The following SATB1 variants were observed in gnomAD, a reference collection of about 807,000 sequenced individuals.
SATB1 encodes SATB homeobox 1.
In SATB1, 11 loss-of-function variants were observed where a neutral mutation model predicts 86.9. The observed-to-expected ratio is 0.13, with a 90% CI of 0.08 to 0.21. SATB1 has a LOEUF of 0.21. Among genes scored for constraint, SATB1 ranks in the 10% least tolerant of loss-of-function variants. The probability of loss-of-function intolerance (pLI) is 1.00; values close to 1 mark genes in which losing one functional copy is unlikely to be tolerated. For synonymous variants in SATB1, 357 were observed against 357.2 expected (o/e 1.00, Z 0.01); for missense variants, 551 against 937.6 (o/e 0.59, Z 5.39).
intron 7 of SATB1, among the ~76,000 whole-genome samples, chr3:18,393,502 T>G (rs1696799835): frequency 6.6e-6 from 1 of 152,178 alleles, no homozygotes; most frequent in African/African-American, 2.4e-5. Flanking sequence ...TCTTATGACC[T>G]CTCATATATA....
At chr3:18,425,733 G>C (rs570966605), upstream of SATB1, among the ~76,000 whole-genome samples, 122 of 151,840 alleles carry the variant, frequency 8.0e-4, no homozygotes, top group African/African-American at 2.6e-3. Context: ...GGGAGGAGGA[G>C]AGGGGGCTTC....
chr3:18,384,547 TAAGTA>T (rs1696229067), intron 8 of SATB1, among the ~76,000 whole-genome samples: 4 of 152,060 alleles, frequency 2.6e-5, no homozygotes, highest in Admixed American at 2.6e-4. Context: ...GATTAAGTGA[TAAGTA>T]AAGTAATTCT....
At chr3:18,359,432 A>C (rs956191648) in intron 9 of SATB1, among the ~76,000 whole-genome samples, 1 of 152,050 alleles carries the variant, frequency 6.6e-6, no homozygotes, top group Non-Finnish European at 1.5e-5. Context: ...CAACCCACTA[A>C]ACCAGTTAGC....
intron 5 of SATB1, among the ~76,000 whole-genome samples, chr3:18,397,888 G>A (rs1428259528): frequency 2.0e-5 from 3 of 152,108 alleles, no homozygotes; most frequent in Admixed American, 6.6e-5. Context: ...AAGTGGACGC[G>A]CATTAACACT....
At chr3:18,417,556 C>T (rs1033078966) in intron 2 of SATB1, 27 of 632,438 alleles carry the variant, frequency 4.3e-5, no homozygotes, top group Middle Eastern at 4.0e-4. Flanking sequence ...TCTTCGACCA[C>T]GAAATTTTCA....
intron 2 of SATB1, chr3:18,417,340 C>A: frequency 1.8e-6 from 1 of 565,022 alleles, no homozygotes; most frequent in Non-Finnish European, 3.1e-6. Context: ...AGTGCATTTT[C>A]CAAAAGCAAT....
chr3:18,384,320 A>G (rs961969222), intron 8 of SATB1, among the ~76,000 whole-genome samples: 17 of 152,350 alleles, frequency 1.1e-4, no homozygotes, highest in African/African-American at 3.8e-4. Context: ...AAGAATTGGT[A>G]TAACTTTAGC....
intron 2 of SATB1, among the ~76,000 whole-genome samples, chr3:18,418,528 G>A (rs1698230784): frequency 6.6e-6 from 1 of 152,170 alleles, no homozygotes; most frequent in Non-Finnish European, 1.5e-5. Context: ...CAATATTTTT[G>A]TCATTCATTC....
At chr3:18,412,840 T>A (rs1261786009) in intron 5 of SATB1, among the ~76,000 whole-genome samples, 5 of 152,002 alleles carry the variant, frequency 3.3e-5, no homozygotes, top group Non-Finnish European at 7.4e-5. Flanking sequence ...CAGTTTATGT[T>A]GAAAAAATTC....
intron 5 of SATB1, among the ~76,000 whole-genome samples, chr3:18,402,577 A>C (rs1485536945): frequency 1.3e-5 from 2 of 152,136 alleles, no homozygotes; most frequent in African/African-American, 4.8e-5. Flanking sequence ...GGGTAATTGG[A>C]GTGCTGTACC....
Position 18,386,497 on chromosome 3 carries a change from C to A in SATB1, c.1321G>T (p.Asp441Tyr). The change falls in exon 8 of 11, where the codon GAC becomes TAC. Residue 441 changes from aspartate to tyrosine, a missense_variant. Asp to Tyr is a radical substitution (Grantham distance 160). Transcript: ENST00000338745. This position sits in a 1 kb window ranked among gnomAD's most constrained non-coding sequence, Gnocchi z 4.5. ...TCCCTTTCGTCCTGGTATATTCGGTCTCTTTCAGCTTCCGGTAACTGCAAG... is the reference window on the plus strand; with the variant it reads ...TCCCTTTCGTCCTGGTATATTCGGTATCTTTCAGCTTCCGGTAACTGCAAG... ...NFLQLPEAER[D>Y]RIYQDERERS... 6.2e-7 allele frequency: 1 copy of A among 1,614,164 alleles called. No individual in the cohort carries two copies. The highest frequency in any genetic ancestry group is 1.1e-5 in the South Asian group (1 of 91,078).
At chr3:18,445,270 C>G (rs1030014721) in intron 1 of SATB1, 8 of 983,170 alleles carry the variant, frequency 8.1e-6, no homozygotes, top group African/African-American at 1.8e-5. Context: ...CACTGAAGCC[C>G]GAGCCGAGCC....
chr3:18,382,214 A>G (rs560881143), intron 8 of SATB1, among the ~76,000 whole-genome samples: 1 of 152,198 alleles, frequency 6.6e-6, no homozygotes, highest in Admixed American at 6.5e-5. Flanking sequence ...CATTGTTATG[A>G]AATAGCATAC....
chr3:18,394,932 A>G lies in SATB1; in HGVS notation c.752-16T>C. The G allele has an allele frequency of 6.5e-7, 1 of 1,531,554 alleles. No homozygotes were observed. Among genetic ancestry groups the G allele is most frequent in the Non-Finnish European group, 8.8e-7 (1 of 1,136,640 alleles). 94.9% of individuals were successfully genotyped at this position (1,531,554 alleles called of 1,614,324 possible). A position where few individuals can be genotyped will look rare whatever the true frequency, so the allele number is the denominator to read the frequency against. ...TCCATTTCAACTAAAGTGGACAAAG[A>G]GTAAAATCACATTCAGCCAACAATG... On this transcript the variant is annotated splice_polypyrimidine_tract_variant and intron_variant, in intron 6 of 10. Transcript: ENST00000338745. This position sits in a 1 kb window ranked among gnomAD's most constrained non-coding sequence, Gnocchi z 5.9.
intron 7 of SATB1, among the ~76,000 whole-genome samples, chr3:18,388,786 T>C (rs945699424): frequency 2.6e-5 from 4 of 152,098 alleles, no homozygotes; most frequent in African/African-American, 9.7e-5. Context: ...CAAAACATAG[T>C]TATAAATATT....
At chr3:18,411,659 C>CTGA (rs1489186717) in intron 5 of SATB1, among the ~76,000 whole-genome samples, 5 of 151,984 alleles carry the variant, frequency 3.3e-5, no homozygotes, top group Admixed American at 3.3e-4. Context: ...AGCTGCAGTT[C>CTGA]AGAATGCACC....
intron 10 of SATB1, chr3:18,351,608 G>A (rs1036190468): frequency 5.1e-5 from 28 of 551,876 alleles, no homozygotes; most frequent in African/African-American, 4.0e-4. Context: ...CAGCAACAGC[G>A]GTTGCTCTTT....
At chr3:18,395,271 T>A (rs986469106) in intron 6 of SATB1, among the ~76,000 whole-genome samples, 5 of 152,218 alleles carry the variant, frequency 3.3e-5, no homozygotes, top group African/African-American at 4.8e-5. Flanking sequence ...TCTAAAAGAA[T>A]GTCATTTGCT....
At chr3:18,442,663 A>G (rs1389178389), upstream of SATB1, among the ~76,000 whole-genome samples, 1 of 152,236 alleles carries the variant, frequency 6.6e-6, no homozygotes, top group African/African-American at 2.4e-5. Flanking sequence ...TTGGAGAGGT[A>G]GTGAAAGATA....
Sources: gnomAD v4.1 joint callset for allele counts (sites outside exome capture counted in the v4.1 genomes callset) on GRCh38, gnomAD v4.1.1 for gene constraint, Gnocchi (gnomAD v3.1) non-coding constraint, MANE v1.5 for transcripts, NCBI Gene and HGNC (gene_info 2026-07-23, HGNC 2026-07-21) for gene names.